AGBL1: variants seen among roughly 807,000 people sequenced by gnomAD.
The protein encoded by AGBL1 is AGBL carboxypeptidase 1, also known as cytosolic carboxypeptidase 4.
AGBL1 carries 130 observed loss-of-function variants against 118.9 expected under a neutral mutation model. The observed-to-expected ratio is 1.09, with a 90% CI of 0.95 to 1.26. AGBL1 has a LOEUF of 1.26. AGBL1 is among the 50% of genes most tolerant of loss of function. The pLI is 0.00. For missense variants in AGBL1, 1,584 were observed against 1,298.1 expected (o/e 1.22, Z -3.38); for synonymous variants, 555 against 478.9 (o/e 1.16, Z -2.08).
At chr15:86,104,329 C>T (rs1415024740) in intron 1 of AGBL1, among the ~76,000 whole-genome samples, 1 of 152,126 alleles carries the variant, frequency 6.6e-6, no homozygotes, top group Non-Finnish European at 1.5e-5. Context: ...TGTCATGGCC[C>T]TGCTGTTGGG....
intron 17 of AGBL1, among the ~76,000 whole-genome samples, chr15:86,390,963 A>G (rs1019632417): frequency 6.6e-6 from 1 of 150,458 alleles, no homozygotes; most frequent in African/African-American, 2.4e-5. Flanking sequence ...AGCCACCGTT[A>G]CTCACACTGT....
chr15:86,989,485 A>T (rs2081316892), intron 24 of AGBL1, among the ~76,000 whole-genome samples: 1 of 151,978 alleles, frequency 6.6e-6, no homozygotes, highest in African/African-American at 2.4e-5. Context: ...TCTTGAAGAG[A>T]TTATAAGGGT....
At chr15:86,217,552 C>T (rs1486195403) in intron 5 of AGBL1, among the ~76,000 whole-genome samples, 1 of 152,060 alleles carries the variant, frequency 6.6e-6, no homozygotes, top group Non-Finnish European at 1.5e-5. Flanking sequence ...GATGAATGTA[C>T]CTAACAGAGG....
intron 22 of AGBL1, among the ~76,000 whole-genome samples, chr15:86,792,291 G>C (rs2078505627): frequency 6.6e-6 from 1 of 152,042 alleles, no homozygotes; most frequent in African/African-American, 2.4e-5. Flanking sequence ...TTCCTTTCAT[G>C]TTCTAATTTG....
At chr15:86,418,907 A>G (rs769413416) in intron 18 of AGBL1, among the ~76,000 whole-genome samples, 3 of 152,128 alleles carry the variant, frequency 2.0e-5, no homozygotes, top group Non-Finnish European at 4.4e-5. Context: ...GGCCCAAATC[A>G]TTGTAACTTC....
chr15:86,561,484 G>A (rs1342270566), intron 21 of AGBL1, among the ~76,000 whole-genome samples: 1 of 152,158 alleles, frequency 6.6e-6, no homozygotes, highest in Non-Finnish European at 1.5e-5. Context: ...TGTTATTTCG[G>A]AGGCCTCTGT....
intron 18 of AGBL1, among the ~76,000 whole-genome samples, chr15:86,509,166 G>A (rs1393130960): frequency 6.6e-6 from 1 of 152,116 alleles, no homozygotes; most frequent in Non-Finnish European, 1.5e-5. Context: ...CACCATTTTT[G>A]TTTTCTCAAG....
intron 22 of AGBL1, among the ~76,000 whole-genome samples, chr15:86,704,043 G>C (rs1420939356): frequency 1.3e-5 from 2 of 152,118 alleles, no homozygotes; most frequent in Non-Finnish European, 2.9e-5. Context: ...ATGAGAAAAG[G>C]ATTTCCTACT....
At chr15:86,198,895 C>G (rs181966362) in intron 5 of AGBL1, among the ~76,000 whole-genome samples, 5 of 152,120 alleles carry the variant, frequency 3.3e-5, no homozygotes, top group Middle Eastern at 3.4e-3. Flanking sequence ...CTGTAGAAGA[C>G]TAATACCTAT....
intron 22 of AGBL1, among the ~76,000 whole-genome samples, chr15:86,723,256 A>T (rs952380183): frequency 6.6e-6 from 1 of 152,214 alleles, no homozygotes; most frequent in Admixed American, 6.5e-5. Flanking sequence ...AACCAACCCA[A>T]ATGTCCCAAC....
At chr15:86,174,466 G>T (rs1020738840) in intron 5 of AGBL1, among the ~76,000 whole-genome samples, 13 of 152,042 alleles carry the variant, frequency 8.6e-5, no homozygotes, top group Admixed American at 7.2e-4. Context: ...GATTGTTCCG[G>T]CTAGAACTGT....
At chr15:86,689,234 C>T (rs1053946867) in intron 22 of AGBL1, among the ~76,000 whole-genome samples, 1 of 152,114 alleles carries the variant, frequency 6.6e-6, no homozygotes, top group African/African-American at 2.4e-5. Flanking sequence ...CTTTGACATT[C>T]AAGTCTCAGC....
At chr15:86,889,215 GATAGAAAAGACCTTCTA>G (rs2080015413) in intron 22 of AGBL1, among the ~76,000 whole-genome samples, 1 of 151,876 alleles carries the variant, frequency 6.6e-6, no homozygotes, top group Admixed American at 6.6e-5. Context: ...AAGCATATAA[GATAGAAAAGACCTTCTA>G]ATAGAAAATT....
intron 18 of AGBL1, among the ~76,000 whole-genome samples, chr15:86,466,714 C>T (rs1237807464): frequency 6.6e-6 from 1 of 152,188 alleles, no homozygotes; most frequent in African/African-American, 2.4e-5. Context: ...GATTCTATTG[C>T]TTTCTGTTTG....
At chr15:86,262,962 C>A in intron 10 of AGBL1, 68 bp downstream of exon 10, 1 of 1,147,744 alleles carries the variant, frequency 8.7e-7, no homozygotes, top group Non-Finnish European at 1.3e-6. Flanking sequence ...CCTGGGAGGC[C>A]AAACCAGGGT....
intron 17 of AGBL1, among the ~76,000 whole-genome samples, chr15:86,321,421 C>T: frequency 6.6e-6 from 1 of 151,784 alleles, no homozygotes; most frequent in African/African-American, 2.4e-5. Context: ...GTAATTATGT[C>T]CTTATTTTCT....
intron 18 of AGBL1, among the ~76,000 whole-genome samples, chr15:86,450,271 G>A (rs2082177057): frequency 6.6e-6 from 1 of 152,222 alleles, no homozygotes; most frequent in African/African-American, 2.4e-5. Context: ...CCCAGGAGAG[G>A]TTTATGTTTT....
At chr15:86,668,516 A>T (rs1025400138) in intron 21 of AGBL1, among the ~76,000 whole-genome samples, 3 of 152,152 alleles carry the variant, frequency 2.0e-5, no homozygotes, top group African/African-American at 7.2e-5. Context: ...TCACAAAAAG[A>T]CGTTTTTTTG....
chr15:86,430,913 C>T (rs904335781), intron 18 of AGBL1, among the ~76,000 whole-genome samples: 1 of 152,118 alleles, frequency 6.6e-6, no homozygotes, highest in Non-Finnish European at 1.5e-5. Context: ...ACTACAAAAT[C>T]TCTTTTAATT....
Sources: allele counts gnomAD v4.1 joint callset (sites outside exome capture counted in the v4.1 genomes callset), GRCh38; gene constraint gnomAD v4.1.1; transcripts MANE v1.5; gene names NCBI Gene and HGNC (gene_info 2026-07-23, HGNC 2026-07-21).